The following SMAD5 variants were observed in gnomAD, a reference collection of about 807,000 sequenced individuals.
The protein encoded by SMAD5 is MAD, mothers against decapentaplegic homolog 5.
Under a neutral mutation model 43.1 loss-of-function variants are expected in SMAD5, and 9 were observed. The ratio of observed to expected loss-of-function variants is 0.21; its 90% CI spans 0.13 to 0.36. The LOEUF (loss-of-function observed/expected upper bound fraction) is 0.36, where lower values mean the gene tolerates loss of function less well. Among genes scored for constraint, SMAD5 ranks in the 10% least tolerant of loss-of-function variants. SMAD5 has a pLI of 1.00. For missense variants in SMAD5, 348 were observed against 574.0 expected, an observed-to-expected ratio of 0.61 and a Z score of 4.02; for synonymous variants, 190 against 192.4, an observed-to-expected ratio of 0.99 and a Z score of 0.10.
At chr5:136,166,955 AC>A (rs1754038507) in intron 5 of SMAD5, among the ~76,000 whole-genome samples, 1 of 152,156 alleles carries the variant, frequency 6.6e-6, no homozygotes, top group South Asian at 2.1e-4. Context: ...CTTTGTAGAT[AC>A]CTTTTTCACT....
At chr5:136,146,849 T>G (rs1753273068) in intron 1 of SMAD5, among the ~76,000 whole-genome samples, 1 of 151,660 alleles carries the variant, frequency 6.6e-6, no homozygotes, top group South Asian at 2.1e-4. Flanking sequence ...AATAGATGAG[T>G]AAAATATGAT....
intron 5 of SMAD5, among the ~76,000 whole-genome samples, chr5:136,165,784 G>A (rs978344696): frequency 3.6e-5 from 5 of 138,920 alleles, no homozygotes; most frequent in East Asian, 2.2e-4. Flanking sequence ...GTAATATTCC[G>A]TTGTATGTAT....
chr5:136,165,054 C>T (rs1256813315), intron 5 of SMAD5, among the ~76,000 whole-genome samples: 1 of 152,166 alleles, frequency 6.6e-6, no homozygotes, highest in Non-Finnish European at 1.5e-5. Context: ...TGTTGGCTTA[C>T]ATATCTATAC....
At chr5:136,174,331 G>T (rs777717919) in intron 6 of SMAD5, 45 bp from the exon 7 acceptor site, 1 of 1,587,534 alleles carries the variant, frequency 6.3e-7, no homozygotes, top group Admixed American at 1.7e-5. Flanking sequence ...TGGTTTCATT[G>T]TAATGATTCT....
intron 7 of SMAD5, among the ~76,000 whole-genome samples, chr5:136,175,762 T>C (rs1754395414): frequency 1.3e-5 from 2 of 152,192 alleles, no homozygotes; most frequent in African/African-American, 2.4e-5. Context: ...TGTAGATCTA[T>C]TGTATACATC....
In SMAD5 at chr5:136,153,625, G is replaced by A. The variant is rs1753538240; in HGVS notation, c.-136G>A. The A allele has an allele frequency of 3.0e-6, 2 of 670,066 alleles. No homozygotes were observed. The highest frequency in any genetic ancestry group is 4.1e-5 in the South Asian group (2 of 48,792). 41.5% of individuals were successfully genotyped at this position (670,066 alleles called of 1,614,324 possible). On this transcript the variant is annotated 5_prime_UTR_variant, in exon 3 of 8. It adds an upstream start codon to the 5' untranslated region. Transcript: ENST00000545279. ...CCAATGAAAGAAGCATATGGCACTT[G>A]TGAAGATAAATGTTACTCCTCCCTT... is the stretch of plus-strand genomic sequence containing the variant.
At chr5:136,176,180 G>A (rs561511486) in intron 7 of SMAD5, among the ~76,000 whole-genome samples, 96 of 151,714 alleles carry the variant, frequency 6.3e-4, no homozygotes, top group Non-Finnish European at 1.3e-3. Flanking sequence ...TGGGCCGGGT[G>A]AGGTGGCTCA....
At chr5:136,144,770 G>GCAT (rs1753203459) in intron 1 of SMAD5, among the ~76,000 whole-genome samples, 1 of 151,842 alleles carries the variant, frequency 6.6e-6, no homozygotes, top group East Asian at 1.9e-4. Context: ...ACTGTCAAAT[G>GCAT]CATCTTCCCT....
intron 5 of SMAD5, among the ~76,000 whole-genome samples, chr5:136,171,719 A>T (rs1754226478): frequency 6.6e-6 from 1 of 152,200 alleles, no homozygotes; most frequent in African/African-American, 2.4e-5. Context: ...TATTTGGATG[A>T]TACTGGGTTT....
intron 3 of SMAD5, 36 bp downstream of exon 3, chr5:136,154,199 A>G (rs1753558928): frequency 1.5e-6 from 2 of 1,346,902 alleles, no homozygotes; most frequent in Non-Finnish European, 2.0e-6. Context: ...TGGAAAAACA[A>G]AAACAAAAAA....
At chr5:136,166,704 C>T (rs1323535057) in intron 5 of SMAD5, among the ~76,000 whole-genome samples, 2 of 152,188 alleles carry the variant, frequency 1.3e-5, no homozygotes, top group Non-Finnish European at 2.9e-5. Context: ...TTAGGCCGTA[C>T]ACAATAAATA....
chr5:136,151,802 A>G (rs1389306898), intron 2 of SMAD5, among the ~76,000 whole-genome samples: 1 of 151,946 alleles, frequency 6.6e-6, no homozygotes, highest in Non-Finnish European at 1.5e-5. Flanking sequence ...GCCTATATAT[A>G]TATTTTTTTG....
At chr5:136,144,689 G>C (rs971432041) in intron 1 of SMAD5, among the ~76,000 whole-genome samples, 4 of 151,678 alleles carry the variant, frequency 2.6e-5, no homozygotes, top group African/African-American at 9.7e-5. Context: ...GGCTCAGGAT[G>C]AGGATTACAG....
intron 6 of SMAD5, 26 bp from the exon 7 acceptor site, chr5:136,174,350 A>G (rs745769413): frequency 8.7e-6 from 14 of 1,603,722 alleles, no homozygotes; most frequent in Non-Finnish European, 1.0e-5. Flanking sequence ...CTTTTAGCTG[A>G]CTCTTGTGAT....
intron 3 of SMAD5, among the ~76,000 whole-genome samples, chr5:136,155,350 A>T (rs1371110718): frequency 6.6e-6 from 1 of 152,162 alleles, no homozygotes; most frequent in Non-Finnish European, 1.5e-5. Flanking sequence ...CCTTCAAAAT[A>T]TGTCTTAATA....
chr5:136,142,065 A>G (rs542621856), intron 1 of SMAD5, among the ~76,000 whole-genome samples: 2 of 152,310 alleles, frequency 1.3e-5, no homozygotes, highest in South Asian at 2.1e-4. Context: ...AATATCACAA[A>G]CCCTTTCTTT....
intron 1 of SMAD5, among the ~76,000 whole-genome samples, chr5:136,143,820 GT>G (rs751773923): frequency 1.2e-4 from 18 of 151,378 alleles, no homozygotes; most frequent in African/African-American, 4.4e-4. Context: ...CAAACCAGCT[GT>G]TTTTTTTGCA....
chr5:136,162,006 G>C (rs1376377656), intron 4 of SMAD5, among the ~76,000 whole-genome samples: 1 of 152,174 alleles, frequency 6.6e-6, no homozygotes, highest in Non-Finnish European at 1.5e-5. Context: ...AATGTGAGCT[G>C]TGCATATCTT....
intron 1 of SMAD5, among the ~76,000 whole-genome samples, chr5:136,139,326 G>A (rs748300428): frequency 3.9e-4 from 59 of 152,088 alleles, no homozygotes; most frequent in Non-Finnish European, 7.8e-4. Flanking sequence ...TGAAATAGAA[G>A]CTTTGTGAAG....
Sources: gnomAD v4.1 joint callset for allele counts (sites outside exome capture counted in the v4.1 genomes callset) on GRCh38, gnomAD v4.1.1 for gene constraint, MANE v1.5 for transcripts, NCBI Gene and HGNC (gene_info 2026-07-23, HGNC 2026-07-21) for gene names.